The following RPS6KA2 variants were observed in gnomAD, a reference collection of about 807,000 sequenced individuals.
RPS6KA2 encodes ribosomal protein S6 kinase A2.
A neutral mutation model predicts 91.8 loss-of-function variants in RPS6KA2; 42 were observed. That is an observed-to-expected ratio of 0.46 (90% CI 0.36 to 0.59). The LOEUF is 0.59. Ranked by LOEUF, RPS6KA2 falls within the 20% of genes least tolerant of loss-of-function variation. The probability of loss-of-function intolerance (pLI) is 0.00; values close to 1 mark genes in which losing one functional copy is unlikely to be tolerated. For synonymous variants in RPS6KA2, 414 were observed against 393.6 expected (o/e 1.05, Z -0.61); for missense variants, 798 against 978.5 (o/e 0.82, Z 2.46).
intron 2 of RPS6KA2, among the ~76,000 whole-genome samples, chr6:166,711,737 G>C (rs1476842208): frequency 6.6e-6 from 1 of 151,496 alleles, no homozygotes; most frequent in Non-Finnish European, 1.5e-5. Context: ...TAAACCCAAA[G>C]CAAGCATAAG....
At position 166,508,346 on chromosome 6, in the gene RPS6KA2, T is replaced by G; in HGVS notation, c.380-64A>C. 9.3e-7 allele frequency: 1 copy of G among 1,073,054 alleles called. No homozygotes were observed. Among genetic ancestry groups the G allele is most frequent in the Non-Finnish European group, 1.4e-6 (1 of 694,534 alleles). The allele number at this position is 1,073,054 out of a possible 1,614,324, so 66.5% of individuals were successfully genotyped here. On this transcript the variant is annotated intron_variant, in intron 4 of 20. Transcript: ENST00000265678. This position sits in a 1 kb window ranked among gnomAD's most constrained non-coding sequence, Gnocchi z 4.3. ...AATGTCCTGTGGCAACATCGCTCTC[T>G]GGCTTCTCCCTGCTCACGGTGCTGC...
chr6:166,719,636 T>C (rs1019050719), intron 2 of RPS6KA2, among the ~76,000 whole-genome samples: 4 of 152,268 alleles, frequency 2.6e-5, no homozygotes, highest in Non-Finnish European at 4.4e-5. Context: ...TTTGATCATG[T>C]ATTATTAAAT....
intron 2 of RPS6KA2, among the ~76,000 whole-genome samples, chr6:166,660,553 C>T (rs1200685186): frequency 6.6e-6 from 1 of 152,148 alleles, no homozygotes; most frequent in East Asian, 1.9e-4. Context: ...AACACAGCTC[C>T]TGCCTCATAA....
At chr6:166,764,056 G>A (rs765173020) in intron 2 of RPS6KA2, among the ~76,000 whole-genome samples, 6 of 152,224 alleles carry the variant, frequency 3.9e-5, no homozygotes, top group East Asian at 3.9e-4. Flanking sequence ...AGTTGTGAGC[G>A]TGAGGAATTG....
chr6:166,593,430 A>G (rs1176533093), intron 1 of RPS6KA2, among the ~76,000 whole-genome samples: 1 of 152,264 alleles, frequency 6.6e-6, no homozygotes, highest in East Asian at 1.9e-4. Context: ...CTCACACTAC[A>G]GTCAACTGGA....
At chr6:166,504,652 A>C in intron 5 of RPS6KA2, 40 bp from the exon 6 acceptor site, 1 of 1,408,438 alleles carries the variant, frequency 7.1e-7, no homozygotes, top group Non-Finnish European at 1.0e-6. Flanking sequence ...AAAAACGTTT[A>C]ACTTGTTTTA....
chr6:166,846,975 G>C (rs1392729880), intron 2 of RPS6KA2, among the ~76,000 whole-genome samples: 2 of 152,076 alleles, frequency 1.3e-5, no homozygotes, highest in African/African-American at 2.4e-5. Context: ...TAAAGAGGAA[G>C]TCAAACTGTC....
chr6:166,825,672 C>T lies in RPS6KA2; in HGVS notation c.123+32528G>A, dbSNP rs1165076077. The stretch of plus-strand genomic sequence containing the variant: ...GAGAACCCACTTCCTAGTACATAGA[C>T]AGCAACTTCTCCCTGTGTCCCCGGT... On this transcript the variant is annotated intron_variant, in intron 2 of 21. Coordinates refer to the RPS6KA2 transcript ENST00000503859. The surrounding 1 kb of genome is among the most constrained non-coding windows in gnomAD (Gnocchi z 4.1). Among the ~76,000 whole-genome samples, 1 of 152,174 alleles carries T rather than the reference C, an allele frequency of 6.6e-6. No individual in the cohort carries two copies. Among genetic ancestry groups the T allele is most frequent in the African/African-American group, 2.4e-5 (1 of 41,440 alleles).
chr6:166,418,960 AAGTG>A lies in RPS6KA2; in HGVS notation c.1821-622_1821-619del. Reference sequence around the variant, plus strand: ...TGTGATCTAGTTTTCCGTATAGGCAAAGTGAGTATTAGAAGCGTCACAAAGTAAC... The same window carrying A: ...TGTGATCTAGTTTTCCGTATAGGCAAAGTATTAGAAGCGTCACAAAGTAAC... On this transcript the variant is annotated intron_variant, in intron 18 of 20. Transcript: ENST00000265678. This position sits in a 1 kb window ranked among gnomAD's most constrained non-coding sequence, Gnocchi z 4.9. Among the ~76,000 whole-genome samples, 1 of 152,362 alleles carries A rather than the reference AAGTG, an allele frequency of 6.6e-6. No individual in the cohort carries two copies. Among genetic ancestry groups the A allele is most frequent in the East Asian group, 1.9e-4 (1 of 5,186 alleles).
At chr6:166,789,163 T>C (rs1426256017) in intron 2 of RPS6KA2, among the ~76,000 whole-genome samples, 3 of 152,196 alleles carry the variant, frequency 2.0e-5, no homozygotes, top group Admixed American at 6.5e-5. Context: ...CCCACCCTAA[T>C]ACTGCACTTT....
At chr6:166,651,545 A>G (rs1005611301) in intron 2 of RPS6KA2, among the ~76,000 whole-genome samples, 2 of 152,258 alleles carry the variant, frequency 1.3e-5, no homozygotes, top group African/African-American at 4.8e-5. Flanking sequence ...ACGGAAATCC[A>G]AGGAAAGCTA....
Position 166,648,038 on chromosome 6 carries a change from T to G in RPS6KA2, c.124-109254A>C, listed in dbSNP as rs202033688. The stretch of plus-strand genomic sequence containing the variant: ...CTTACACACATACATACACACATGC[T>G]CTCACACACATGCACATGCTCACAC... On this transcript the variant is annotated intron_variant, in intron 2 of 21. Transcript: ENST00000503859. The surrounding 1 kb of genome is among the most constrained non-coding windows in gnomAD (Gnocchi z 4.8). 0.24 allele frequency among the ~76,000 whole-genome samples: 25,499 copies of G among 108,430 alleles called. 2,499 individuals are homozygous for G. The highest frequency in any genetic ancestry group is 0.35 in the African/African-American group (10,169 of 28,796). The allele number at this position is 108,430 out of a possible 152,430, so 71.1% of individuals were successfully genotyped here.
At chr6:166,564,252 C>T (rs374363654) in intron 1 of RPS6KA2, among the ~76,000 whole-genome samples, 2 of 152,192 alleles carry the variant, frequency 1.3e-5, no homozygotes, top group African/African-American at 4.8e-5. Context: ...TCAAGAGTGC[C>T]CAGAACATCG....
At chr6:166,796,532 T>G (rs1779228210) in intron 2 of RPS6KA2, among the ~76,000 whole-genome samples, 1 of 152,186 alleles carries the variant, frequency 6.6e-6, no homozygotes, top group African/African-American at 2.4e-5. Flanking sequence ...GAGGTTGCAG[T>G]GAGCAGCGAT....
chr6:166,459,939 C>T lies in RPS6KA2; in HGVS notation c.973-388G>A, dbSNP rs965969284. On this transcript the variant is annotated intron_variant, in intron 11 of 20. Coordinates refer to ENST00000265678, the MANE Select transcript of RPS6KA2 (RefSeq NM_021135.6). The surrounding 1 kb of genome is among the most constrained non-coding windows in gnomAD (Gnocchi z 4.9). ...AGCCACCACTTGCCCCCACTGGGGA[C>T]AGCAGTGAAGAGGCCGTGTGGCTCT... Among the ~76,000 whole-genome samples the T allele has an allele frequency of 1.3e-5, 2 of 152,214 alleles. No homozygotes were observed. The highest frequency in any genetic ancestry group is 1.3e-4 in the Admixed American group (2 of 15,288).
intron 1 of RPS6KA2, among the ~76,000 whole-genome samples, chr6:166,595,458 G>T (rs531179839): frequency 6.6e-6 from 1 of 152,318 alleles, no homozygotes; most frequent in East Asian, 1.9e-4. Flanking sequence ...CCAGGGAAGC[G>T]GTTGTATCCT....
rs112917321 is a variant in RPS6KA2, at chr6:166,460,203, C to G, written c.973-652G>C. On this transcript the variant is annotated intron_variant, in intron 11 of 20. Transcript: ENST00000265678. ...AGAGAACCGGCCCTTCCCATGCCCC[C>G]TCTGGGCCCAAACTTATTTCCCCAA... 3.3e-3 allele frequency among the ~76,000 whole-genome samples: 498 copies of G among 152,354 alleles called. 3 individuals carry two copies. Among genetic ancestry groups the G allele is most frequent in the Non-Finnish European group, 5.4e-3 (365 of 68,034 alleles).
chr6:166,860,392 C>T (rs1354388729), intron 1 of RPS6KA2, among the ~76,000 whole-genome samples: 1 of 152,212 alleles, frequency 6.6e-6, no homozygotes, highest in African/African-American at 2.4e-5. Flanking sequence ...GCAGGGCAGA[C>T]CATCAGTCAA....
At chr6:166,745,239 C>T (rs1790963444) in intron 2 of RPS6KA2, among the ~76,000 whole-genome samples, 1 of 150,824 alleles carries the variant, frequency 6.6e-6, no homozygotes, top group African/African-American at 2.5e-5. Flanking sequence ...GCAACCTCTG[C>T]CTCCTGGGTT....
Sources: allele counts gnomAD v4.1 joint callset (sites outside exome capture counted in the v4.1 genomes callset), GRCh38; gene constraint gnomAD v4.1.1; non-coding constraint Gnocchi (gnomAD v3.1); transcripts MANE v1.5; gene names NCBI Gene and HGNC (gene_info 2026-07-23, HGNC 2026-07-21).